Variants in PDZRN4 observed in about 807,000 individuals in gnomAD.
PDZRN4 encodes PDZ domain-containing RING finger protein 4.
PDZRN4 carries 70 observed loss-of-function variants against 99.0 expected under a neutral mutation model. The observed-to-expected ratio is 0.71, with a 90% confidence interval of 0.58 to 0.86. The LOEUF is 0.86. Ranked by LOEUF, PDZRN4 falls within the 40% of genes least tolerant of loss-of-function variation. The pLI is 0.00. For missense variants in PDZRN4, 1,474 were observed against 1,331.2 expected (o/e 1.11, Z -1.67); for synonymous variants, 551 against 501.6 (o/e 1.10, Z -1.32).
At chr12:41,529,507 T>A (rs1237237594) in intron 5 of PDZRN4, among the ~76,000 whole-genome samples, 1 of 152,230 alleles carries the variant, frequency 6.6e-6, no homozygotes, top group East Asian at 1.9e-4. Flanking sequence ...ACACACACAT[T>A]TATGCATTTA....
rs536802542 is a variant in PDZRN4, at chr12:41,261,135, A to T, written c.843+66947A>T. Among the ~76,000 whole-genome samples, 159 of 152,194 alleles carry T rather than the reference A, an allele frequency of 1.0e-3. 1 individual carries two copies. The highest frequency in any genetic ancestry group is 3.7e-3 in the African/African-American group (155 of 41,528). The stretch of plus-strand genomic sequence containing the variant: ...TCTCTGTCCTCTTGGTTTATTAGGG[A>T]TATGCAAATTTTCTAGGGGTTCAGG... On this transcript the variant is annotated intron_variant, in intron 3 of 9. Transcript: ENST00000402685.
intron 3 of PDZRN4, among the ~76,000 whole-genome samples, chr12:41,197,920 G>GTTTTTCTTTTTTTTTTTTT (rs1950786628): frequency 8.7e-6 from 1 of 115,602 alleles, no homozygotes; most frequent in African/African-American, 3.3e-5. Flanking sequence ...TTTTTTCTGG[G>GTTTTTCTTTTTTTTTTTTT]TTTTTTTTTT....
intron 3 of PDZRN4, among the ~76,000 whole-genome samples, chr12:41,272,591 G>A (rs1361309113): frequency 6.6e-6 from 1 of 151,898 alleles, no homozygotes. Context: ...AACTTCTCAG[G>A]AGGCAAAGGC....
intron 3 of PDZRN4, among the ~76,000 whole-genome samples, chr12:41,495,850 C>T (rs957497721): frequency 6.6e-6 from 1 of 151,988 alleles, no homozygotes; most frequent in African/African-American, 2.4e-5. Flanking sequence ...TCTCCTTTCT[C>T]CCATCTGTGC....
chr12:41,229,018 C>T (rs909330329), intron 3 of PDZRN4, among the ~76,000 whole-genome samples: 1 of 151,754 alleles, frequency 6.6e-6, no homozygotes, highest in Non-Finnish European at 1.5e-5. Flanking sequence ...AATATAAATT[C>T]TCTCCCTGAA....
intron 3 of PDZRN4, among the ~76,000 whole-genome samples, chr12:41,271,254 T>C (rs903840569): frequency 1.3e-5 from 2 of 152,050 alleles, no homozygotes; most frequent in African/African-American, 4.8e-5. Context: ...ATACATTAAA[T>C]ATCTTCCAAG....
intron 3 of PDZRN4, among the ~76,000 whole-genome samples, chr12:41,424,238 A>G (rs78510521): frequency 0.012 from 1,856 of 152,306 alleles, 18 homozygotes; most frequent in Non-Finnish European, 0.017. Flanking sequence ...CTGAGAGTTC[A>G]TATTTCTGAA....
At chr12:41,288,803 A>G (rs1310547630) in intron 3 of PDZRN4, among the ~76,000 whole-genome samples, 1 of 152,154 alleles carries the variant, frequency 6.6e-6, no homozygotes, top group African/African-American at 2.4e-5. Context: ...TTGATTGTGT[A>G]GGATTTAAAG....
intron 3 of PDZRN4, among the ~76,000 whole-genome samples, chr12:41,444,847 CAT>C (rs1417675892): frequency 1.3e-5 from 2 of 151,898 alleles, no homozygotes; most frequent in African/African-American, 4.8e-5. Context: ...AAAAATAAAA[CAT>C]GTACATTTAG....
chr12:41,536,491 A>G (rs918871285), intron 5 of PDZRN4, among the ~76,000 whole-genome samples: 17 of 152,188 alleles, frequency 1.1e-4, no homozygotes, highest in Non-Finnish European at 2.2e-4. Flanking sequence ...ATATGATACT[A>G]TAATGGTAGA....
intron 3 of PDZRN4, among the ~76,000 whole-genome samples, chr12:41,431,797 T>G (rs929987379): frequency 6.6e-6 from 1 of 152,218 alleles, no homozygotes; most frequent in African/African-American, 2.4e-5. Flanking sequence ...GAGGAAAGGA[T>G]GCTTGCTTAC....
At chr12:41,408,635 TC>T (rs1392491033) in intron 3 of PDZRN4, among the ~76,000 whole-genome samples, 1 of 152,200 alleles carries the variant, frequency 6.6e-6, no homozygotes, top group Non-Finnish European at 1.5e-5. Context: ...ACTTTGGAAA[TC>T]GGAATTTTAT....
At chr12:41,389,381 C>A (rs1952193757) in intron 3 of PDZRN4, among the ~76,000 whole-genome samples, 2 of 151,978 alleles carry the variant, frequency 1.3e-5, no homozygotes, top group South Asian at 4.2e-4. Context: ...AAATTTGTAA[C>A]AAAAGATGAT....
intron 8 of PDZRN4, among the ~76,000 whole-genome samples, chr12:41,564,842 T>G (rs574791590): frequency 6.6e-6 from 1 of 152,246 alleles, no homozygotes; most frequent in East Asian, 1.9e-4. Flanking sequence ...TCCCATTTTC[T>G]TCAAAAAAGA....
At chr12:41,433,916 T>G (rs1952605937) in intron 3 of PDZRN4, among the ~76,000 whole-genome samples, 1 of 152,196 alleles carries the variant, frequency 6.6e-6, no homozygotes, top group Admixed American at 6.5e-5. Flanking sequence ...AATGTCAGTT[T>G]AATGAATAGT....
chr12:41,506,033 C>A (rs567912830), intron 3 of PDZRN4, among the ~76,000 whole-genome samples: 2 of 151,954 alleles, frequency 1.3e-5, no homozygotes, highest in African/African-American at 4.8e-5. Context: ...TTGACAATAT[C>A]TTAAAAAATT....
intron 3 of PDZRN4, among the ~76,000 whole-genome samples, chr12:41,394,495 A>T (rs1952232283): frequency 6.6e-6 from 1 of 152,154 alleles, no homozygotes; most frequent in South Asian, 2.1e-4. Flanking sequence ...AGCAGCTTAA[A>T]ACACAAACAT....
chr12:41,517,748 C>G (rs1296277861), intron 5 of PDZRN4, among the ~76,000 whole-genome samples: 1 of 152,024 alleles, frequency 6.6e-6, no homozygotes, highest in African/African-American at 2.4e-5. Flanking sequence ...TCCTTAAAAA[C>G]TTTTACGAGT....
At position 41,476,960 on chromosome 12, in the gene PDZRN4, A is replaced by G. The variant is rs142856969; in HGVS notation, c.844-29496A>G. Among the ~76,000 whole-genome samples, 14 of 152,306 alleles carry G rather than the reference A, an allele frequency of 9.2e-5. No individual in the cohort carries two copies. The East Asian group carries it at 1.9e-3, about 21-fold the overall frequency. On this transcript the variant is annotated intron_variant, in intron 3 of 9. Transcript: ENST00000402685. The stretch of plus-strand genomic sequence containing the variant: ...GTTTTGTTATTCTGCAGTCCCCCAC[A>G]CTGTAAGACAAGGAGGCTATTTAGT...
Sources: allele counts gnomAD v4.1 joint callset (sites outside exome capture counted in the v4.1 genomes callset), GRCh38; gene constraint gnomAD v4.1.1; transcripts MANE v1.5; gene names NCBI Gene and HGNC (gene_info 2026-07-23, HGNC 2026-07-21).